The following ATP2C1 variants were observed in gnomAD, a reference collection of about 807,000 sequenced individuals.
ATP2C1 encodes ATPase secretory pathway Ca2+ transporting 1.
In ATP2C1, 31 loss-of-function variants were observed where a neutral mutation model predicts 120.5. That is an observed-to-expected ratio of 0.26 (90% CI 0.19 to 0.35). ATP2C1 has a LOEUF of 0.35. ATP2C1 is among the 10% of genes least tolerant of loss of function. The probability of loss-of-function intolerance (pLI) is 1.00; values close to 1 mark genes in which losing one functional copy is unlikely to be tolerated. For synonymous variants in ATP2C1, 351 were observed against 358.7 expected (o/e 0.98, Z 0.24); for missense variants, 731 against 1,107.5 (o/e 0.66, Z 4.83).
At chr3:131,014,330 A>C (rs1320598894) in intron 26 of ATP2C1, 2 of 1,613,232 alleles carry the variant, frequency 1.2e-6, no homozygotes, top group African/African-American at 1.3e-5. Context: ...GACTTTCTAC[A>C]GAGGTCGATG....
At chr3:131,004,868 T>G (rs1320057370), downstream of ATP2C1, among the ~76,000 whole-genome samples, 4 of 152,202 alleles carry the variant, frequency 2.6e-5, no homozygotes, top group African/African-American at 7.2e-5. Flanking sequence ...GTTGGAGAGA[T>G]AGGCAGGAAC....
intron 5 of ATP2C1, 119 bp from the exon 6 acceptor site, chr3:130,937,309 C>G: frequency 1.2e-6 from 1 of 844,802 alleles, no homozygotes; most frequent in Non-Finnish European, 2.0e-6. Context: ...TCTTTTCCAG[C>G]TGATCTCAGT....
intron 22 of ATP2C1, among the ~76,000 whole-genome samples, chr3:130,995,390 G>C (rs532644027): frequency 1.3e-5 from 2 of 151,606 alleles, no homozygotes; most frequent in East Asian, 3.9e-4. Flanking sequence ...GCTCCAGCCT[G>C]GGAAGCAGGG....
chr3:130,987,881 T>C (rs367872171), intron 20 of ATP2C1, among the ~76,000 whole-genome samples: 3 of 152,236 alleles, frequency 2.0e-5, no homozygotes, highest in African/African-American at 2.4e-5. Context: ...AAAGTAGTAC[T>C]GAATCTCAGT....
intron 2 of ATP2C1, chr3:130,918,425 G>C (rs555580872): frequency 2.0e-6 from 2 of 999,298 alleles, no homozygotes; most frequent in Non-Finnish European, 3.2e-6. Flanking sequence ...CAGCATGTAC[G>C]GAATCCCCAC....
intron 1 of ATP2C1, among the ~76,000 whole-genome samples, chr3:130,863,233 A>G (rs1236641931): frequency 6.6e-6 from 1 of 152,204 alleles, no homozygotes; most frequent in Non-Finnish European, 1.5e-5. Context: ...TATTCAGTAT[A>G]TTTTATAAAT....
downstream of ATP2C1, among the ~76,000 whole-genome samples, chr3:131,006,689 C>CTT (rs1167746798): frequency 1.5e-5 from 2 of 137,560 alleles, no homozygotes; most frequent in African/African-American, 2.7e-5. Flanking sequence ...TTCTTGTACA[C>CTT]TTTTTTTTTT....
At chr3:131,012,662 G>A (rs2057444) in intron 26 of ATP2C1, among the ~76,000 whole-genome samples, 27,742 of 151,980 alleles carry the variant, frequency 0.18, 2,649 homozygotes, top group Middle Eastern at 0.23. Context: ...TCTTCTGGGA[G>A]TAACCATCTC....
At chr3:130,977,311 A>AT (rs1355027480) in intron 18 of ATP2C1, among the ~76,000 whole-genome samples, 4 of 152,192 alleles carry the variant, frequency 2.6e-5, no homozygotes, top group African/African-American at 7.2e-5. Context: ...GCACTTATTT[A>AT]TTTTTTAAAA....
Position 131,002,912 on chromosome 3 carries a change from G to T in ATP2C1, c.*1562G>T. The T allele has an allele frequency of 1.0e-6, 1 of 985,720 alleles. No homozygotes were observed. Among genetic ancestry groups the T allele is most frequent in the Non-Finnish European group, 1.2e-6 (1 of 829,824 alleles). The allele number at this position is 985,720 out of a possible 1,614,324, so 61.1% of individuals were successfully genotyped here. On this transcript the variant is annotated 3_prime_UTR_variant, in exon 28 of 28. Transcript: ENST00000510168. Reference sequence around the variant, plus strand: ...AATTGTCAAATGTACATTGTTCCATGTCGTTAGATGGAACATGGAAGCCAT... The same window carrying T: ...AATTGTCAAATGTACATTGTTCCATTTCGTTAGATGGAACATGGAAGCCAT...
chr3:130,885,265 A>C (rs2068936318), intron 1 of ATP2C1, among the ~76,000 whole-genome samples: 1 of 152,128 alleles, frequency 6.6e-6, no homozygotes, highest in African/African-American at 2.4e-5. Flanking sequence ...GTGATAGATC[A>C]CTGGGTCTTG....
At chr3:130,980,011 C>T (rs1038898677) in intron 19 of ATP2C1, among the ~76,000 whole-genome samples, 9 of 152,214 alleles carry the variant, frequency 5.9e-5, no homozygotes, top group Admixed American at 2.6e-4. Context: ...GAGTTTCAAA[C>T]TATATATTGT....
At chr3:130,972,156 A>G (rs1488203031) in intron 17 of ATP2C1, among the ~76,000 whole-genome samples, 1 of 152,088 alleles carries the variant, frequency 6.6e-6, no homozygotes, top group Non-Finnish European at 1.5e-5. Flanking sequence ...GTAGTTCACG[A>G]TAGGGTTCCT....
intron 17 of ATP2C1, among the ~76,000 whole-genome samples, chr3:130,971,874 G>A (rs531300368): frequency 5.3e-5 from 8 of 152,292 alleles, no homozygotes; most frequent in African/African-American, 1.7e-4. Context: ...TTGTCCTGAA[G>A]GATAAAGCCC....
chr3:130,994,028 C>G lies in ATP2C1; in HGVS notation c.1987C>G (p.Gln663Glu). The G allele has an allele frequency of 6.2e-7, 1 of 1,614,112 alleles. No homozygotes were observed. Among genetic ancestry groups the G allele is most frequent in the East Asian group, 2.2e-5 (1 of 44,862 alleles). ...KAADIGVAMG[Q>E]TGTDVCKEAA... Reference sequence around the variant, plus strand: ...TGCAGACATTGGAGTTGCGATGGGCCAGACTGGTACAGATGTTTGCAAAGA... The same window carrying G: ...TGCAGACATTGGAGTTGCGATGGGCGAGACTGGTACAGATGTTTGCAAAGA... The change falls in exon 22 of 28, where the codon CAG becomes GAG. Residue 663 changes from glutamine (Q) to glutamate (E), a missense_variant. By Grantham distance (29) the Gln-to-Glu change is conservative. This residue lies in a region of ATP2C1 where 571 missense variants were observed against 845.9 expected (regional missense o/e 0.67). Transcript: ENST00000510168.
At chr3:131,003,808 T>C (rs1391450715), downstream of ATP2C1, among the ~76,000 whole-genome samples, 3 of 152,234 alleles carry the variant, frequency 2.0e-5, no homozygotes, top group Non-Finnish European at 4.4e-5. Flanking sequence ...CTCCTTGATA[T>C]ACTATATAAG....
At chr3:130,952,176 A>G (rs773899924) in intron 8 of ATP2C1, among the ~76,000 whole-genome samples, 2 of 152,002 alleles carry the variant, frequency 1.3e-5, no homozygotes, top group African/African-American at 2.4e-5. Context: ...TTTTCCCTCT[A>G]CCTGGCATTA....
chr3:130,928,744 TGAA>T (rs1309253132), intron 2 of ATP2C1, among the ~76,000 whole-genome samples: 4 of 152,286 alleles, frequency 2.6e-5, no homozygotes, highest in Admixed American at 1.3e-4. Flanking sequence ...GTTATATATA[TGAA>T]GAAGATGAGG....
At chr3:130,881,977 T>C (rs1576582460) in intron 1 of ATP2C1, among the ~76,000 whole-genome samples, 1 of 152,350 alleles carries the variant, frequency 6.6e-6, no homozygotes, top group East Asian at 1.9e-4. Context: ...TTTTCCAATA[T>C]ATAGTCATAT....
Sources: allele counts gnomAD v4.1 joint callset (sites outside exome capture counted in the v4.1 genomes callset), GRCh38; gene constraint gnomAD v4.1.1; regional missense constraint gnomAD v4.1.1; transcripts MANE v1.5; gene names NCBI Gene and HGNC (gene_info 2026-07-23, HGNC 2026-07-21).